Variants in CENATAC observed in about 807,000 individuals in gnomAD.
CENATAC encodes centrosomal AT-AC splicing factor.
In CENATAC, 53 loss-of-function variants were observed where a neutral mutation model predicts 53.7. The ratio of observed to expected loss-of-function variants is 0.99; its 90% CI spans 0.79 to 1.24. The LOEUF (loss-of-function observed/expected upper bound fraction) is 1.24. CENATAC is among the 50% of genes most tolerant of loss of function. The probability of loss-of-function intolerance (pLI) is 0.00; values close to 1 mark genes in which losing one functional copy is unlikely to be tolerated. For synonymous variants in CENATAC, 156 were observed against 144.6 expected (o/e 1.08, Z -0.57); for missense variants, 474 against 417.8 (o/e 1.13, Z -1.17).
At chr11:119,012,969 G>A (rs1266996332) in intron 7 of CENATAC, 8 of 401,960 alleles carry the variant, frequency 2.0e-5, no homozygotes, top group African/African-American at 4.2e-5. Flanking sequence ...GTGAGGGCAA[G>A]GTTTTGCTCC....
chr11:119,000,360 G>A (rs1032381107), intron 3 of CENATAC, among the ~76,000 whole-genome samples: 1 of 151,210 alleles, frequency 6.6e-6, no homozygotes, highest in Non-Finnish European at 1.5e-5. Context: ...TCAATATGAA[G>A]ATAAAAAGGT....
intron 3 of CENATAC, chr11:119,003,152 C>CTT (rs57377274): frequency 1.9e-6 from 1 of 530,224 alleles, no homozygotes; most frequent in Non-Finnish European, 3.7e-6. Context: ...GGTGCTGTGG[C>CTT]TTAACATTCA....
chr11:118,999,498 G>T (rs190568264), intron 3 of CENATAC, among the ~76,000 whole-genome samples: 1 of 151,886 alleles, frequency 6.6e-6, no homozygotes, highest in Non-Finnish European at 1.5e-5. Flanking sequence ...TGCTCTTTTC[G>T]CCCAGGCTGG....
intron 3 of CENATAC, among the ~76,000 whole-genome samples, chr11:119,006,594 C>G (rs563690176): frequency 3.3e-4 from 50 of 152,334 alleles, no homozygotes; most frequent in African/African-American, 1.2e-3. Flanking sequence ...TGGTCTCGAT[C>G]TCTTGACCTC....
chr11:119,007,189 C>T (rs1360652234), intron 3 of CENATAC, among the ~76,000 whole-genome samples: 4 of 152,046 alleles, frequency 2.6e-5, no homozygotes, highest in East Asian at 1.9e-4. Context: ...GTTTTCTTTT[C>T]GTTTCTTTTT....
At chr11:119,005,861 A>G (rs1055928014) in intron 3 of CENATAC, 1 of 151,868 alleles carries the variant, frequency 6.6e-6, no homozygotes, top group Non-Finnish European at 1.5e-5. Flanking sequence ...CACAAAGTAT[A>G]GGAAAGAAAC....
At position 118,999,849 on chromosome 11, in the gene CENATAC, A is replaced by T. The variant is rs535575467; in HGVS notation, c.383+740A>T. On this transcript the variant is annotated intron_variant, in intron 3 of 10. Coordinates refer to ENST00000334418, the MANE Select transcript of CENATAC (RefSeq NM_198489.3). ...AGTAGAGACGGGGTTTCACCGTGTT[A>T]GCCAGGATGGTCTCGATCTCCTGAC... 3.4e-4 allele frequency among the ~76,000 whole-genome samples: 52 copies of T among 151,996 alleles called. 1 individual carries two copies. In the South Asian group the frequency reaches 0.011, roughly 31 times the overall value.
Position 118,999,678 on chromosome 11 carries a change from T to A in CENATAC, c.383+569T>A, listed in dbSNP as rs148734417. Among the ~76,000 whole-genome samples the A allele has an allele frequency of 6.4e-3, 980 of 152,322 alleles. 12 individuals are homozygous for A. The highest frequency in any genetic ancestry group is 0.021 in the African/African-American group (857 of 41,560). On this transcript the variant is annotated intron_variant, in intron 3 of 10. Transcript: ENST00000334418. ...TTCTTTTTCTTTTTATTTTTCGCTC[T>A]GTTGCCCAGGCTGGAGTGCAGTGGC...
At chr11:119,015,497 GTCACCCTTCA>G in intron 10 of CENATAC, 31 bp from the exon 11 acceptor site, 1 of 1,613,982 alleles carries the variant, frequency 6.2e-7, no homozygotes. Context: ...TTTTGGAGAT[GTCACCCTTCA>G]TCATCGTGTT....
In CENATAC at chr11:119,014,983, T is replaced by G; in HGVS notation, c.716-11T>G. 6.4e-7 allele frequency: 1 copy of G among 1,561,786 alleles called. No individual in the cohort carries two copies. The highest frequency in any genetic ancestry group is 8.6e-7 in the Non-Finnish European group (1 of 1,160,736). ...TAAAAAAAAAAAAAAAAGCCTTAAT[T>G]TTTTTTTCAGGTGCCACACCTCCCT... On this transcript the variant is annotated splice_polypyrimidine_tract_variant and intron_variant, in intron 8 of 10. Coordinates refer to ENST00000334418, the MANE Select transcript of CENATAC (RefSeq NM_198489.3).
At chr11:119,010,259 A>G (rs535737798) in intron 3 of CENATAC, 85 of 155,382 alleles carry the variant, frequency 5.5e-4, no homozygotes, top group Non-Finnish European at 6.8e-4. Context: ...GGGGAAGACT[A>G]GAGACCTAAT....
chr11:119,011,452 C>T, intron 5 of CENATAC, 169 bp downstream of exon 5: 1 of 557,268 alleles, frequency 1.8e-6, no homozygotes, highest in Non-Finnish European at 3.2e-6. Context: ...CGGCTCACTG[C>T]AACCTCCACC....
rs961783217 is a variant in CENATAC, at chr11:118,998,394, T to C, written c.121-36T>C. The C allele has an allele frequency of 3.7e-6, 6 of 1,611,478 alleles. No individual in the cohort carries two copies. The Admixed American group carries it at 1.0e-4, about 27-fold the overall frequency. ...GGCCAGAGCGGGTGTGATTTGGGGG[T>C]CCCCCTCGGGGTTCTACTTGGCCTC... On this transcript the variant is annotated intron_variant, in intron 1 of 10. Transcript: ENST00000334418.
intron 3 of CENATAC, among the ~76,000 whole-genome samples, chr11:119,007,114 C>A (rs888373863): frequency 6.6e-6 from 1 of 152,166 alleles, no homozygotes; most frequent in Non-Finnish European, 1.5e-5. Context: ...TTCAGGAGCC[C>A]AGGTTCCAGA....
intron 3 of CENATAC, among the ~76,000 whole-genome samples, chr11:118,999,735 T>C (rs186374500): frequency 2.0e-5 from 3 of 152,352 alleles, no homozygotes; most frequent in Non-Finnish European, 4.4e-5. Context: ...CTCTGCCTCC[T>C]GGGTTCGCGC....
intron 3 of CENATAC, among the ~76,000 whole-genome samples, chr11:119,008,899 G>A (rs948247654): frequency 1.3e-4 from 20 of 152,118 alleles, no homozygotes; most frequent in Non-Finnish European, 2.8e-4. Flanking sequence ...AACAAGGCAC[G>A]TCCTACACAG....
At chr11:118,999,132 G>A in intron 3 of CENATAC, 23 bp downstream of exon 3, 2 of 1,539,268 alleles carry the variant, frequency 1.3e-6, no homozygotes, top group African/African-American at 1.4e-5. Context: ...TATGGAACGT[G>A]AAGTAGCAGA....
At chr11:119,007,713 C>G (rs1942673219) in intron 3 of CENATAC, among the ~76,000 whole-genome samples, 1 of 152,134 alleles carries the variant, frequency 6.6e-6, no homozygotes, top group South Asian at 2.1e-4. Flanking sequence ...TCTCAAACTC[C>G]TGGGCTCAAG....
intron 2 of CENATAC, 148 bp downstream of exon 2, chr11:118,998,741 G>A (rs1942139216): frequency 8.7e-7 from 1 of 1,149,766 alleles, no homozygotes; most frequent in South Asian, 1.6e-5. Context: ...CCTTGTTAGG[G>A]TAGGGGTCAT....
Sources: gnomAD v4.1 joint callset for allele counts (sites outside exome capture counted in the v4.1 genomes callset) on GRCh38, gnomAD v4.1.1 for gene constraint, MANE v1.5 for transcripts, NCBI Gene and HGNC (gene_info 2026-07-23, HGNC 2026-07-21) for gene names.